The following UMAD1 variants were observed in gnomAD, a reference collection of about 807,000 sequenced individuals.
UMAD1 encodes UBAP1-MVB12-associated (UMA) domain containing 1.
A neutral mutation model predicts 6.1 loss-of-function variants in UMAD1; 8 were observed. The observed-to-expected ratio is 1.30, with a 90% CI of 0.76 to 2.35. The LOEUF is 2.35. Ranked by LOEUF, UMAD1 falls within the 30% of genes most tolerant of loss-of-function variation. UMAD1 has a pLI of 0.00. For missense variants in UMAD1, 130 were observed against 78.4 expected, an observed-to-expected ratio of 1.66 and a Z score of -2.49; for synonymous variants, 56 against 31.4, an observed-to-expected ratio of 1.78 and a Z score of -2.61.
intron 3 of UMAD1, among the ~76,000 whole-genome samples, chr7:7,854,284 G>A (rs183407811): frequency 4.8e-5 from 7 of 146,914 alleles, no homozygotes; most frequent in African/African-American, 1.5e-4. Context: ...TAACCCGGGA[G>A]GCAGAGGTTG....
At chr7:7,670,374 T>TA (rs1162955911) in intron 1 of UMAD1, among the ~76,000 whole-genome samples, 2 of 152,204 alleles carry the variant, frequency 1.3e-5, no homozygotes, top group Non-Finnish European at 2.9e-5. Context: ...AAAGTTCTTG[T>TA]AGCACTCTAA....
chr7:7,853,738 T>C (rs1783962643), intron 3 of UMAD1, among the ~76,000 whole-genome samples: 1 of 152,164 alleles, frequency 6.6e-6, no homozygotes. Context: ...GAAAATCATA[T>C]CATCTGTACA....
chr7:7,821,578 C>T (rs1016456670), intron 3 of UMAD1, among the ~76,000 whole-genome samples: 20 of 152,170 alleles, frequency 1.3e-4, no homozygotes, highest in Middle Eastern at 3.4e-3. Flanking sequence ...GGTTTTTAAC[C>T]TCTGAACAGT....
At chr7:7,655,641 T>C (rs1785321797) in intron 1 of UMAD1, among the ~76,000 whole-genome samples, 1 of 152,216 alleles carries the variant, frequency 6.6e-6, no homozygotes, top group Non-Finnish European at 1.5e-5. Context: ...AGAGAAGTTT[T>C]ATTAACTCAT....
intron 2 of UMAD1, among the ~76,000 whole-genome samples, chr7:7,739,145 A>G (rs1427344987): frequency 1.3e-5 from 2 of 152,236 alleles, no homozygotes; most frequent in East Asian, 3.8e-4. Flanking sequence ...AGCTTAGATT[A>G]ATGTATTTTA....
At chr7:7,817,319 G>A (rs764178100) in intron 3 of UMAD1, among the ~76,000 whole-genome samples, 6 of 152,156 alleles carry the variant, frequency 3.9e-5, no homozygotes, top group Admixed American at 1.3e-4. Flanking sequence ...TTCCCTGTGC[G>A]TGGCATGCAT....
At chr7:7,684,050 C>T (rs1187790563) in intron 2 of UMAD1, among the ~76,000 whole-genome samples, 1 of 152,200 alleles carries the variant, frequency 6.6e-6, no homozygotes, top group African/African-American at 2.4e-5. Context: ...ATAGTTTTTG[C>T]ATGTGACCTA....
intron 2 of UMAD1, chr7:7,740,965 A>T (rs1393973151): frequency 6.6e-6 from 1 of 152,214 alleles, no homozygotes; most frequent in East Asian, 1.9e-4. Context: ...CTTTGTGGGA[A>T]TAAGTTTAAA....
chr7:7,671,058 C>G (rs779732508), intron 1 of UMAD1, among the ~76,000 whole-genome samples: 4 of 152,156 alleles, frequency 2.6e-5, no homozygotes, highest in Non-Finnish European at 4.4e-5. Flanking sequence ...TTTTCTCTGG[C>G]AGCTTCTTAT....
chr7:7,678,320 C>G (rs891867495), intron 2 of UMAD1, among the ~76,000 whole-genome samples: 1 of 150,474 alleles, frequency 6.6e-6, no homozygotes, highest in Non-Finnish European at 1.5e-5. Flanking sequence ...TTTTGATTTG[C>G]ATTTCTCTGA....
intron 2 of UMAD1, among the ~76,000 whole-genome samples, chr7:7,779,305 C>G (rs1218454910): frequency 6.6e-6 from 1 of 151,898 alleles, no homozygotes; most frequent in Non-Finnish European, 1.5e-5. Context: ...AAGAGATAGT[C>G]TAGCTCTGTC....
At chr7:7,810,166 C>T (rs10245034) in intron 3 of UMAD1, among the ~76,000 whole-genome samples, 65,017 of 151,494 alleles carry the variant, frequency 0.43, 14,232 homozygotes, top group Middle Eastern at 0.47. Flanking sequence ...TTTAAAGCAT[C>T]GGGGGGTTAC....
In UMAD1 at chr7:7,710,049, A is replaced by G. The variant is rs114730565; in HGVS notation, c.82+36596A>G. On this transcript the variant is annotated intron_variant, in intron 2 of 3. Transcript: ENST00000682710. ...TCGAGTCACTCACAATGTATGTACAATATGTTCTTCAGCAATTTGCCTCTC... is the reference window on the plus strand; with the variant it reads ...TCGAGTCACTCACAATGTATGTACAGTATGTTCTTCAGCAATTTGCCTCTC... Among the ~76,000 whole-genome samples the G allele has an allele frequency of 9.1e-3, 1,380 of 152,224 alleles. 13 individuals are homozygous for G. The highest frequency in any genetic ancestry group is 0.032 in the African/African-American group (1,315 of 41,550).
chr7:7,863,669 C>A lies in UMAD1; in HGVS notation c.157-13612C>A, dbSNP rs1784168368. Among the ~76,000 whole-genome samples the A allele has an allele frequency of 3.3e-5, 5 of 152,146 alleles. No individual in the cohort carries two copies. The South Asian group carries it at 1.0e-3, about 32-fold the overall frequency. ...AGTACTAATAAAGGGCACTCTTTTT[C>A]CTTCTTGCATCAAGAGCCAATGGAG... On this transcript the variant is annotated intron_variant, in intron 3 of 3. Transcript: ENST00000682710.
chr7:7,831,299 T>C (rs1269622102), intron 3 of UMAD1, among the ~76,000 whole-genome samples: 2 of 152,266 alleles, frequency 1.3e-5, no homozygotes, highest in Non-Finnish European at 2.9e-5. Flanking sequence ...ATTCTTGTTA[T>C]ATATTTTTGG....
At chr7:7,856,712 A>T (rs1006740278) in intron 3 of UMAD1, among the ~76,000 whole-genome samples, 1 of 152,216 alleles carries the variant, frequency 6.6e-6, no homozygotes, top group Non-Finnish European at 1.5e-5. Flanking sequence ...TTGATGTGAT[A>T]TATTACATTA....
intron 3 of UMAD1, among the ~76,000 whole-genome samples, chr7:7,817,927 C>G (rs1385344546): frequency 2.0e-5 from 3 of 152,114 alleles, no homozygotes; most frequent in Non-Finnish European, 2.9e-5. Flanking sequence ...GATCTTCTCA[C>G]CTCAGCCTCT....
chr7:7,788,189 A>G (rs57831171), intron 2 of UMAD1, among the ~76,000 whole-genome samples: 5,018 of 152,322 alleles, frequency 0.033, 127 homozygotes, highest in Admixed American at 0.064. Context: ...AAGTGATTGC[A>G]TATGTGTGAA....
At chr7:7,694,406 C>G (rs1249128005) in intron 2 of UMAD1, among the ~76,000 whole-genome samples, 1 of 151,986 alleles carries the variant, frequency 6.6e-6, no homozygotes, top group Non-Finnish European at 1.5e-5. Flanking sequence ...CTCAGTTATT[C>G]TAAAATGTAT....
Sources: gnomAD v4.1 joint callset for allele counts (sites outside exome capture counted in the v4.1 genomes callset) on GRCh38, gnomAD v4.1.1 for gene constraint, MANE v1.5 for transcripts, NCBI Gene and HGNC (gene_info 2026-07-23, HGNC 2026-07-21) for gene names.